The following NFIA variants were observed in gnomAD, a reference collection of about 807,000 sequenced individuals.
NFIA encodes nuclear factor I A.
NFIA carries 8 observed loss-of-function variants against 62.8 expected under a neutral mutation model. That is an observed-to-expected ratio of 0.13 (90% CI 0.07 to 0.23). The LOEUF is 0.23. Ranked by LOEUF, NFIA falls within the 10% of genes least tolerant of loss-of-function variation. NFIA has a pLI of 1.00. For synonymous variants in NFIA, 235 were observed against 238.1 expected (o/e 0.99, Z 0.12); for missense variants, 410 against 642.1 (o/e 0.64, Z 3.91).
At chr1:61,290,497 A>G (rs1183529892) in intron 3 of NFIA, among the ~76,000 whole-genome samples, 2 of 152,220 alleles carry the variant, frequency 1.3e-5, no homozygotes. Context: ...CAGGTCCCAC[A>G]TTCACAGATC....
At chr1:61,295,811 A>G (rs1659160816) in intron 3 of NFIA, among the ~76,000 whole-genome samples, 1 of 152,242 alleles carries the variant, frequency 6.6e-6, no homozygotes, top group Non-Finnish European at 1.5e-5. Context: ...AAAATGAGCT[A>G]TTGTAATAAT....
intron 2 of NFIA, among the ~76,000 whole-genome samples, chr1:61,127,416 C>T (rs1268570490): frequency 2.0e-5 from 3 of 151,206 alleles, no homozygotes; most frequent in South Asian, 2.1e-4. Context: ...GAGATCGCAT[C>T]GTGTCACTGC....
chr1:61,192,146 CAT>C (rs1470669900), intron 2 of NFIA, among the ~76,000 whole-genome samples: 1 of 151,860 alleles, frequency 6.6e-6, no homozygotes, highest in Admixed American at 6.6e-5. Context: ...TTCTAGTAGA[CAT>C]GGGATTTCAC....
intron 3 of NFIA, among the ~76,000 whole-genome samples, chr1:61,283,576 T>A (rs1658271840): frequency 4.0e-5 from 1 of 25,016 alleles, no homozygotes; most frequent in African/African-American, 1.2e-4. Context: ...AACGAGACTC[T>A]GTCTCAAAAA....
intron 3 of NFIA, among the ~76,000 whole-genome samples, chr1:61,280,084 G>A (rs1557679435): frequency 6.6e-6 from 1 of 152,176 alleles, no homozygotes; most frequent in Non-Finnish European, 1.5e-5. Context: ...AGAATTATCA[G>A]CCTACTCAGT....
At chr1:61,293,824 C>T (rs1249522467) in intron 3 of NFIA, among the ~76,000 whole-genome samples, 1 of 152,170 alleles carries the variant, frequency 6.6e-6, no homozygotes, top group Non-Finnish European at 1.5e-5. Context: ...GTGAGAAGTC[C>T]TTGCTTTGAG....
Position 61,173,984 on chromosome 1 carries a change from A to T in NFIA, c.559+85304A>T, listed in dbSNP as rs534189783. 2.0e-5 allele frequency among the ~76,000 whole-genome samples: 3 copies of T among 152,246 alleles called. No homozygotes were observed. The East Asian group carries it at 5.8e-4, about 30-fold the overall frequency. Reference sequence around the variant, plus strand: ...TAAATATTATTCTGTGTTAGGGAAAAGTGAATAGAGATAAATGCTAAGGGT... The same window carrying T: ...TAAATATTATTCTGTGTTAGGGAAATGTGAATAGAGATAAATGCTAAGGGT... On this transcript the variant is annotated intron_variant, in intron 2 of 10. Coordinates refer to ENST00000403491, the MANE Select transcript of NFIA (RefSeq NM_001134673.4).
chr1:61,122,415 G>GT, intron 2 of NFIA, among the ~76,000 whole-genome samples: 1 of 152,254 alleles, frequency 6.6e-6, no homozygotes, highest in African/African-American at 2.4e-5. Context: ...GTATCCCAGA[G>GT]TTTGCACGGT....
chr1:61,409,408 A>G (rs1022072312), intron 9 of NFIA, among the ~76,000 whole-genome samples: 7 of 152,184 alleles, frequency 4.6e-5, no homozygotes, highest in African/African-American at 1.4e-4. Flanking sequence ...TGCTTTCTTA[A>G]CAAGATGGTG....
intron 4 of NFIA, among the ~76,000 whole-genome samples, chr1:61,341,057 A>ATTT (rs1228052371): frequency 7.6e-6 from 1 of 130,878 alleles, no homozygotes; most frequent in African/African-American, 3.1e-5. Flanking sequence ...CTGTACCGGC[A>ATTT]TTCTTTTTTT....
intron 2 of NFIA, among the ~76,000 whole-genome samples, chr1:61,198,736 G>T (rs925994155): frequency 6.6e-6 from 1 of 152,204 alleles, no homozygotes; most frequent in Non-Finnish European, 1.5e-5. Context: ...CACAAGCAGA[G>T]AACTTTGCTT....
intron 4 of NFIA, among the ~76,000 whole-genome samples, chr1:61,349,532 C>T (rs938865120): frequency 2.6e-5 from 4 of 152,070 alleles, no homozygotes; most frequent in African/African-American, 7.2e-5. Context: ...CCCATTATTA[C>T]GATAGTCAAG....
intron 2 of NFIA, chr1:61,253,622 A>G (rs1190851939): frequency 1.3e-5 from 2 of 152,268 alleles, no homozygotes; most frequent in Admixed American, 6.5e-5. Flanking sequence ...GAAGACTGAA[A>G]GTGTTCAAAT....
chr1:61,417,452 A>G (rs983295612), intron 9 of NFIA, among the ~76,000 whole-genome samples: 1 of 151,524 alleles, frequency 6.6e-6, no homozygotes, highest in African/African-American at 2.4e-5. Flanking sequence ...CTTCTAACCT[A>G]TGGAGTATGC....
chr1:61,209,680 A>T (rs1241912539), intron 2 of NFIA, among the ~76,000 whole-genome samples: 1 of 151,174 alleles, frequency 6.6e-6, no homozygotes, highest in South Asian at 2.1e-4. Flanking sequence ...AACAACAACA[A>T]CAACAACAAC....
intron 2 of NFIA, among the ~76,000 whole-genome samples, chr1:61,216,855 CTGGGCGTGGTGG>C (rs1653658553): frequency 6.6e-6 from 1 of 151,682 alleles, no homozygotes; most frequent in African/African-American, 2.4e-5. Context: ...CAAAAATTGG[CTGGGCGTGGTGG>C]TGGGTGCCTG....
rs78322983 is a variant in NFIA, at chr1:61,189,080, C to A, written c.560-88440C>A. Among the ~76,000 whole-genome samples, 239 of 152,252 alleles carry A rather than the reference C, an allele frequency of 1.6e-3. 7 individuals carry two copies. In the East Asian group the frequency reaches 0.044, roughly 28 times the overall value. ...ACCAAGGAGATAACTGTAATCAAAT[C>A]AAAGTCCTGGTATCAGGAGGTATAG... On this transcript the variant is annotated intron_variant, in intron 2 of 10. Transcript: ENST00000403491.
intron 2 of NFIA, among the ~76,000 whole-genome samples, chr1:61,170,638 T>C (rs1649898566): frequency 6.6e-6 from 1 of 152,156 alleles, no homozygotes; most frequent in Non-Finnish European, 1.5e-5. Context: ...GCCATCTAAA[T>C]GACAAAGATA....
At chr1:61,189,053 G>A (rs1651415547) in intron 2 of NFIA, among the ~76,000 whole-genome samples, 1 of 152,138 alleles carries the variant, frequency 6.6e-6, no homozygotes, top group Admixed American at 6.5e-5. Context: ...GGCAAATAAG[G>A]GACCAAGGAG....
Sources: gnomAD v4.1 joint callset for allele counts (sites outside exome capture counted in the v4.1 genomes callset) on GRCh38, gnomAD v4.1.1 for gene constraint, MANE v1.5 for transcripts, NCBI Gene and HGNC (gene_info 2026-07-23, HGNC 2026-07-21) for gene names.